Variants in PLCB4 observed in about 807,000 individuals in gnomAD.
PLCB4 encodes 1-phosphatidylinositol 4,5-bisphosphate phosphodiesterase beta-4.
PLCB4 carries 77 observed loss-of-function variants against 178.8 expected under a neutral mutation model. That is an observed-to-expected ratio of 0.43 (90% CI 0.36 to 0.52). The LOEUF is 0.52. Ranked by LOEUF, PLCB4 falls within the 20% of genes least tolerant of loss-of-function variation. PLCB4 has a pLI of 0.00. For synonymous variants in PLCB4, 496 were observed against 490.8 expected, an observed-to-expected ratio of 1.01 and a Z score of -0.14; for missense variants, 1,024 against 1,453.4, an observed-to-expected ratio of 0.70 and a Z score of 4.80.
chr20:9,476,874 T>A (rs2044583988), intron 39 of PLCB4, 121 bp downstream of exon 39: 3 of 672,652 alleles, frequency 4.5e-6, no homozygotes, highest in Non-Finnish European at 7.8e-6. Context: ...GGGTTTGGAT[T>A]TAAAAGCTTG....
chr20:9,101,547 T>C (rs1286111574), intron 2 of PLCB4, among the ~76,000 whole-genome samples: 1 of 152,182 alleles, frequency 6.6e-6, no homozygotes, highest in Non-Finnish European at 1.5e-5. Context: ...TAACTCTTTA[T>C]GTATTTTCAG....
chr20:9,106,032 G>A (rs1410264457), intron 2 of PLCB4, among the ~76,000 whole-genome samples: 1 of 151,936 alleles, frequency 6.6e-6, no homozygotes, highest in African/African-American at 2.4e-5. Context: ...CATATACCGG[G>A]AAAACATTTA....
intron 1 of PLCB4, among the ~76,000 whole-genome samples, chr20:9,076,531 G>C (rs935774958): frequency 9.2e-5 from 14 of 152,080 alleles, no homozygotes; most frequent in Non-Finnish European, 2.1e-4. Flanking sequence ...TTCATTTATG[G>C]AGACACAGAG....
At chr20:9,086,311 AT>A (rs2090417190) in intron 1 of PLCB4, among the ~76,000 whole-genome samples, 2 of 152,064 alleles carry the variant, frequency 1.3e-5, no homozygotes, top group Admixed American at 1.3e-4. Context: ...GGAAATGAAC[AT>A]TTTTTGAAGT....
In PLCB4 at chr20:9,192,181, G is replaced by T. The variant is rs569604891; in HGVS notation, c.-78-25209G>T. Among the ~76,000 whole-genome samples the T allele has an allele frequency of 3.9e-5, 6 of 152,306 alleles. No individual in the cohort carries two copies. In the South Asian group the frequency reaches 1.2e-3, roughly 32 times the overall value. On this transcript the variant is annotated intron_variant, in intron 2 of 39. Transcript: ENST00000378473. ...TGAGCCATCGAGCCGGCAGTAGGGA[G>T]CTGTGTGCCATGATTGATTCCATGG... is the stretch of plus-strand genomic sequence containing the variant.
At chr20:9,407,482 G>A (rs1276645572) in intron 21 of PLCB4, among the ~76,000 whole-genome samples, 1 of 150,688 alleles carries the variant, frequency 6.6e-6, no homozygotes, top group Non-Finnish European at 1.5e-5. Context: ...CGATTCTCCT[G>A]CCTCAGCCTC....
intron 3 of PLCB4, among the ~76,000 whole-genome samples, chr20:9,250,665 G>A (rs2094171144): frequency 6.6e-6 from 1 of 152,216 alleles, no homozygotes; most frequent in African/African-American, 2.4e-5. Flanking sequence ...TCACAGAATG[G>A]AAGTGGCATG....
At position 9,171,478 on chromosome 20, in the gene PLCB4, C is replaced by T. The variant is rs6118509; in HGVS notation, c.-78-45912C>T. On this transcript the variant is annotated intron_variant, in intron 2 of 39. Transcript: ENST00000378473. Reference sequence around the variant, plus strand: ...TTTGTTAGGGCTAATGTATAGTTGTCAAACTATAGACCAGAACAACAAGAA... The same window carrying T: ...TTTGTTAGGGCTAATGTATAGTTGTTAAACTATAGACCAGAACAACAAGAA... Among the ~76,000 whole-genome samples, 927 of 152,264 alleles carry T rather than the reference C, an allele frequency of 6.1e-3. 11 individuals are homozygous for T. Among genetic ancestry groups the T allele is most frequent in the African/African-American group, 0.021 (891 of 41,554 alleles).
At chr20:9,121,399 A>G (rs2091959190) in intron 2 of PLCB4, among the ~76,000 whole-genome samples, 1 of 151,560 alleles carries the variant, frequency 6.6e-6, no homozygotes, top group African/African-American at 2.4e-5. Flanking sequence ...CCTGTTCTCT[A>G]TTTTTGCCCT....
intron 2 of PLCB4, among the ~76,000 whole-genome samples, chr20:9,127,654 CTATCTATCTATCT>C (rs2092153427): frequency 8.9e-6 from 1 of 112,624 alleles, no homozygotes; most frequent in Non-Finnish European, 2.1e-5. Context: ...ATCTATCTAT[CTATCTATCTATCT>C]ATCTATCTAT....
At chr20:9,312,749 T>C (rs2094851599) in intron 4 of PLCB4, among the ~76,000 whole-genome samples, 2 of 152,276 alleles carry the variant, frequency 1.3e-5, no homozygotes, top group South Asian at 2.1e-4. Flanking sequence ...ATAAAGCTAG[T>C]TCCAAGAGCA....
At chr20:9,304,137 A>G (rs1247045920) in intron 3 of PLCB4, among the ~76,000 whole-genome samples, 11 of 149,336 alleles carry the variant, frequency 7.4e-5, no homozygotes, top group East Asian at 2.0e-4. Flanking sequence ...TACATATTAC[A>G]TATCTAGGTT....
At chr20:9,231,657 A>C (rs759012293) in intron 3 of PLCB4, among the ~76,000 whole-genome samples, 7 of 152,178 alleles carry the variant, frequency 4.6e-5, no homozygotes, top group Admixed American at 1.3e-4. Flanking sequence ...TTGTGTGTAG[A>C]GTCTGAAAAT....
intron 2 of PLCB4, among the ~76,000 whole-genome samples, chr20:9,148,877 A>G (rs1410633984): frequency 6.6e-6 from 1 of 152,214 alleles, no homozygotes; most frequent in East Asian, 1.9e-4. Flanking sequence ...GACATCAGTT[A>G]TTGAACTGTG....
chr20:9,179,153 T>C (rs2093204027), intron 2 of PLCB4, among the ~76,000 whole-genome samples: 1 of 152,142 alleles, frequency 6.6e-6, no homozygotes, highest in South Asian at 2.1e-4. Flanking sequence ...CTGAAGGATT[T>C]TGAATAGGGG....
chr20:9,107,918 A>G (rs1389794186), intron 2 of PLCB4, among the ~76,000 whole-genome samples: 1 of 152,064 alleles, frequency 6.6e-6, no homozygotes, highest in Non-Finnish European at 1.5e-5. Context: ...TGGTTTGAAG[A>G]GGTGAGATTC....
intron 35 of PLCB4, 70 bp from the exon 36 acceptor site, chr20:9,468,501 A>G: frequency 2.2e-5 from 20 of 904,464 alleles, no homozygotes; most frequent in Non-Finnish European, 3.7e-5. Context: ...CCCCAGGTGA[A>G]TCTCTCTACC....
At chr20:9,272,576 C>T (rs936397544) in intron 3 of PLCB4, among the ~76,000 whole-genome samples, 1 of 152,084 alleles carries the variant, frequency 6.6e-6, no homozygotes, top group Admixed American at 6.6e-5. Context: ...GACAATATTG[C>T]TTTAGCACTT....
At chr20:9,318,209 C>T (rs2094921395) in intron 4 of PLCB4, among the ~76,000 whole-genome samples, 1 of 151,782 alleles carries the variant, frequency 6.6e-6, no homozygotes, top group Non-Finnish European at 1.5e-5. Flanking sequence ...CCAGCCACAC[C>T]ACTTGAGAGA....
Sources: gnomAD v4.1 joint callset for allele counts (sites outside exome capture counted in the v4.1 genomes callset) on GRCh38, gnomAD v4.1.1 for gene constraint, MANE v1.5 for transcripts, NCBI Gene and HGNC (gene_info 2026-07-23, HGNC 2026-07-21) for gene names.